DNAH1: variants seen among roughly 807,000 people sequenced by gnomAD.
DNAH1 encodes the protein axonemal beta dynein heavy chain 1.
A neutral mutation model predicts 484.3 loss-of-function variants in DNAH1; 327 were observed. The observed-to-expected ratio is 0.68, with a 90% confidence interval of 0.62 to 0.74. DNAH1 has a LOEUF of 0.74. Ranked by LOEUF, DNAH1 falls within the 30% of genes least tolerant of loss-of-function variation. The pLI is 0.00. For synonymous variants in DNAH1, 2,192 were observed against 2,191.9 expected (o/e 1.00, Z 0.00); for missense variants, 5,052 against 5,546.8 (o/e 0.91, Z 2.83).
Position 52,344,587 on chromosome 3 carries a change from C to A in DNAH1, c.1384C>A (p.Pro462Thr). The A allele has an allele frequency of 6.2e-7, 1 of 1,613,998 alleles. No individual in the cohort carries two copies. Among genetic ancestry groups the A allele is most frequent in the Non-Finnish European group, 8.5e-7 (1 of 1,179,882 alleles). The stretch of plus-strand genomic sequence containing the variant: ...CTTTGACCACGTTGTCTCTTCCAAG[C>A]CCGAGACCTTCTCCTACGTCACCCT... Reference protein sequence around the residue: ...INFDHVVSSKPETFSYVTLPK... With the variant: ...INFDHVVSSKTETFSYVTLPK... The change falls in exon 9 of 78, where the codon CCC becomes ACC. Residue 462 changes from proline to threonine, a missense_variant. Around this residue, in one of 4 missense-constraint regions of DNAH1, gnomAD observed 1,263 missense variants for 1,218.8 expected, o/e 1.04. Transcript: ENST00000420323.
At position 52,370,647 on chromosome 3, in the gene DNAH1, C is replaced by T. The variant is rs529589339; in HGVS notation, c.6417+12C>T. 151 of 1,605,942 alleles carry T rather than the reference C, an allele frequency of 9.4e-5. No individual in the cohort carries two copies. The highest frequency in any genetic ancestry group is 1.2e-4 in the Non-Finnish European group (145 of 1,176,312). On this transcript the variant is annotated intron_variant, in intron 40 of 77. Transcript: ENST00000420323. The stretch of plus-strand genomic sequence containing the variant: ...TGGAGAACGAACAGGTGAGAGCCGG[C>T]GGCCCCCAGGGACCAGGAGCCTCAG...
intron 44 of DNAH1, chr3:52,374,039 C>A: frequency 9.8e-7 from 1 of 1,022,300 alleles, no homozygotes; most frequent in Non-Finnish European, 1.5e-6. Context: ...ATATATTGAT[C>A]AGAAGTTTGT....
In DNAH1 at chr3:52,392,945, A is replaced by C. The variant is rs375477856; in HGVS notation, c.10394A>C (p.Asn3465Thr). The change falls in exon 65 of 78, where the codon AAC (asparagine) becomes ACC (threonine). Residue 3465 changes from asparagine to threonine, a missense_variant. Physicochemically the swap from Asn to Thr is moderately conservative, Grantham distance 65. Coordinates refer to ENST00000420323, the MANE Select transcript of DNAH1 (RefSeq NM_015512.5). ...ILFFCVSDLANVDPMYQYSLE... is the reference protein window; with the variant it reads ...ILFFCVSDLATVDPMYQYSLE... ...TTCTTCTGTGTGTCCGACCTGGCCA[A>C]CGTGGACCCCATGTACCAGTACTCC... 4.3e-6 allele frequency: 7 copies of C among 1,613,496 alleles called. No homozygotes were observed. The highest frequency in any genetic ancestry group is 1.1e-5 in the South Asian group (1 of 91,050).
intron 8 of DNAH1, among the ~76,000 whole-genome samples, chr3:52,343,846 C>T (rs547042495): frequency 1.3e-5 from 2 of 152,280 alleles, no homozygotes; most frequent in African/African-American, 4.8e-5. Context: ...GCATAGGCAA[C>T]GTGTGCTGAG....
rs776836168 is a variant in DNAH1 at position 52,349,229 on chromosome 3, G to A, written c.2335G>A (p.Val779Met). 3.1e-6 allele frequency: 5 copies of A among 1,613,878 alleles called. No homozygotes were observed. Among genetic ancestry groups the A allele is most frequent in the Non-Finnish European group, 2.5e-6 (3 of 1,179,834 alleles). The change falls in exon 14 of 78, where the codon GTG becomes ATG. Residue 779 changes from valine (V) to methionine (M), a missense_variant. Coordinates refer to ENST00000420323, the MANE Select transcript of DNAH1 (RefSeq NM_015512.5). Reference protein sequence around the residue: ...YQTQGLLAQEVREVVLTHLRE... With the variant: ...YQTQGLLAQEMREVVLTHLRE... The stretch of plus-strand genomic sequence containing the variant: ...GACGCAGGGCCTGTTGGCCCAGGAG[G>A]TGCGGGAGGTAGTGCTCACCCACCT...
rs1030220845 is a variant in DNAH1 at position 52,353,967 on chromosome 3, A to G, written c.3480+334A>G. 3 of 325,778 alleles carry G rather than the reference A, an allele frequency of 9.2e-6. No homozygotes were observed. The highest frequency in any genetic ancestry group is 1.8e-5 in the Non-Finnish European group (3 of 170,384). The allele number at this position is 325,778 out of a possible 1,614,324, so 20.2% of individuals were successfully genotyped here. On this transcript the variant is annotated intron_variant, in intron 20 of 77. Transcript: ENST00000420323. The surrounding 1 kb of genome is among the most constrained non-coding windows in gnomAD (Gnocchi z 5.0). Reference sequence around the variant, plus strand: ...CAGCACTTTGGGAGGATGAGGAGGAAGGATCGCTTGAGCCCAGGAGTTTGA... The same window carrying G: ...CAGCACTTTGGGAGGATGAGGAGGAGGGATCGCTTGAGCCCAGGAGTTTGA...
At position 52,380,155 on chromosome 3, in the gene DNAH1, G is replaced by A. The variant is rs143306113; in HGVS notation, c.7608+20G>A. On this transcript the variant is annotated intron_variant, in intron 48 of 77. Transcript: ENST00000420323. ...AGTAAGGTGAGGGGCCCAGGCAGGC[G>A]CCCTGCCCCTGGTGGGGTCCTCTTC... is the stretch of plus-strand genomic sequence containing the variant. The A allele has an allele frequency of 1.0e-3, 1,605 of 1,562,128 alleles. 12 individuals are homozygous for A. The African/African-American group carries it at 0.02, about 19-fold the overall frequency.
rs534277838 is a variant in DNAH1 at position 52,318,282 on chromosome 3, T to C, written c.-35+1737T>C. On this transcript the variant is annotated intron_variant, in intron 1 of 77. Transcript: ENST00000420323. ...CCAAGCTGGTCTTAAACTCCTGACC[T>C]CGGGTGATCCGCCCGCCTGGGCCCA... Among the ~76,000 whole-genome samples, 52 of 152,304 alleles carry C rather than the reference T, an allele frequency of 3.4e-4. No individual in the cohort carries two copies. The East Asian group carries it at 8.3e-3, about 24-fold the overall frequency.
Position 52,361,404 on chromosome 3 carries a change from C to A in DNAH1, c.4874+52C>A. On this transcript the variant is annotated intron_variant, in intron 29 of 77. Transcript: ENST00000420323. This position sits in a 1 kb window ranked among gnomAD's most constrained non-coding sequence, Gnocchi z 5.6. Reference sequence around the variant, plus strand: ...GGATGGGGTGGGACAGCCTAGCTCTCCTTGGGGAGGGCTAGGTGAGGGCAG... The same window carrying A: ...GGATGGGGTGGGACAGCCTAGCTCTACTTGGGGAGGGCTAGGTGAGGGCAG... 6.7e-7 allele frequency: 1 copy of A among 1,489,140 alleles called. No homozygotes were observed. Among genetic ancestry groups the A allele is most frequent in the Admixed American group, 2.3e-5 (1 of 43,480 alleles). 92.2% of individuals were successfully genotyped at this position (1,489,140 alleles called of 1,614,324 possible).
Position 52,352,011 on chromosome 3 carries a change from G to T in DNAH1, c.2779G>T (p.Val927Leu). Residue 927 changes from valine (V) to leucine (L), a missense_variant, in exon 17 of 78, where the codon GTG becomes TTG. Val to Leu is a conservative substitution (Grantham distance 32). Around this residue, in one of 4 missense-constraint regions of DNAH1, gnomAD observed 1,263 missense variants for 1,218.8 expected, o/e 1.04. Transcript: ENST00000420323. ...TAAGATCCTTGGGCAGATAGAGCTG[G>T]TGCAGCAGCAGCATGTGGAGGATGA... Reference protein sequence around the residue: ...PSKILGQIELVQQQHVEDEEK... With the variant: ...PSKILGQIELLQQQHVEDEEK... 1.2e-6 allele frequency: 2 copies of T among 1,600,694 alleles called. No homozygotes were observed. The highest frequency in any genetic ancestry group is 2.3e-5 in the South Asian group (2 of 88,178).
Position 52,367,576 on chromosome 3 carries a change from T to G in DNAH1, c.5765+689T>G, listed in dbSNP as rs1379635515. 2.0e-5 allele frequency among the ~76,000 whole-genome samples: 3 copies of G among 151,118 alleles called. No individual in the cohort carries two copies. In the East Asian group the frequency reaches 5.8e-4, roughly 29 times the overall value. On this transcript the variant is annotated intron_variant, in intron 36 of 77. Coordinates refer to ENST00000420323, the MANE Select transcript of DNAH1 (RefSeq NM_015512.5). ...TTAAAGAAAAAAAATTATTCAATGA[T>G]CCTTTTTTTTTTTTTGAGACGAAGT...
chr3:52,390,857 G>C, intron 60 of DNAH1, 78 bp from the exon 61 acceptor site: 2 of 1,540,760 alleles, frequency 1.3e-6, no homozygotes, highest in Non-Finnish European at 1.8e-6. Context: ...CGAAACACGA[G>C]GCCGGGAGAT....
chr3:52,382,174 A>T, intron 49 of DNAH1, 146 bp from the exon 50 acceptor site: 1 of 1,313,306 alleles, frequency 7.6e-7, no homozygotes, highest in Non-Finnish European at 1.1e-6. Context: ...AAGGCAAAAA[A>T]GCAGGTTCAG....
At chr3:52,373,300 G>A (rs1209085025) in intron 44 of DNAH1, among the ~76,000 whole-genome samples, 1 of 152,204 alleles carries the variant, frequency 6.6e-6, no homozygotes, top group Non-Finnish European at 1.5e-5. Context: ...TCAGTCCCCA[G>A]GTGGCGGTGG....
chr3:52,365,211 C>T (rs557042957), intron 34 of DNAH1, among the ~76,000 whole-genome samples, 192 bp downstream of exon 34: 18 of 152,342 alleles, frequency 1.2e-4, no homozygotes, highest in Admixed American at 5.9e-4. Context: ...CACCAAAACC[C>T]GCCTGGTGGT....
chr3:52,395,814 T>A lies in DNAH1; in HGVS notation c.11259+136T>A, dbSNP rs549677877. The A allele has an allele frequency of 4.4e-4, 556 of 1,266,826 alleles. 4 individuals are homozygous for A. The South Asian group carries it at 7.8e-3, about 18-fold the overall frequency. 78.5% of individuals were successfully genotyped at this position (1,266,826 alleles called of 1,614,324 possible). A position where few individuals can be genotyped will look rare whatever the true frequency, so the allele number is the denominator to read the frequency against. ...CGTGGCAAGTGCTCAGCAACTGACA[T>A]GTGCCACACATCGACATCATTAATC... On this transcript the variant is annotated intron_variant, in intron 70 of 77. Transcript: ENST00000420323. The surrounding 1 kb of genome is among the most constrained non-coding windows in gnomAD (Gnocchi z 4.4).
chr3:52,391,060 C>T lies in DNAH1; in HGVS notation c.9741+6C>T, dbSNP rs1302601873. On this transcript the variant is annotated splice_donor_region_variant and intron_variant, in intron 61 of 77. Transcript: ENST00000420323. The stretch of plus-strand genomic sequence containing the variant: ...ACAAATGGATCAAGAACATGGTGAG[C>T]CCACCCACCAGGCACCACCACCCCA... The T allele has an allele frequency of 6.4e-7, 1 of 1,569,326 alleles. No individual in the cohort carries two copies. The highest frequency in any genetic ancestry group is 8.6e-7 in the Non-Finnish European group (1 of 1,157,002).
chr3:52,395,143 C>A lies in DNAH1; in HGVS notation c.10968+84C>A. On this transcript the variant is annotated intron_variant, in intron 68 of 77. Coordinates refer to ENST00000420323, the MANE Select transcript of DNAH1 (RefSeq NM_015512.5). This position sits in a 1 kb window ranked among gnomAD's most constrained non-coding sequence, Gnocchi z 4.4. ...AGGGCCCTGGCTGCATCTGGATAGACTACTTGGCCAGGCCAGGACCCCTGC... is the reference window on the plus strand; with the variant it reads ...AGGGCCCTGGCTGCATCTGGATAGAATACTTGGCCAGGCCAGGACCCCTGC... 1.3e-6 allele frequency: 2 copies of A among 1,526,422 alleles called. No homozygotes were observed. The highest frequency in any genetic ancestry group is 1.8e-6 in the Non-Finnish European group (2 of 1,132,582). 94.6% of individuals were successfully genotyped at this position (1,526,422 alleles called of 1,614,324 possible).
intron 14 of DNAH1, 24 bp from the exon 15 acceptor site, chr3:52,349,965 C>G (rs756348929): frequency 6.3e-7 from 1 of 1,589,686 alleles, no homozygotes; most frequent in East Asian, 2.3e-5. Context: ...TGCTGCCCTC[C>G]CCAGCGCCTC....
Sources: allele counts gnomAD v4.1 joint callset (sites outside exome capture counted in the v4.1 genomes callset), GRCh38; gene constraint gnomAD v4.1.1; regional missense constraint gnomAD v4.1.1; non-coding constraint Gnocchi (gnomAD v3.1); transcripts MANE v1.5; gene names NCBI Gene and HGNC (gene_info 2026-07-23, HGNC 2026-07-21).